Variants in ZNF773 observed in about 807,000 individuals in gnomAD.
The protein encoded by ZNF773 is zinc finger protein 773.
Under a neutral mutation model 12.8 loss-of-function variants are expected in ZNF773, and 11 were observed. The observed-to-expected ratio is 0.86, with a 90% CI of 0.54 to 1.42. The LOEUF (loss-of-function observed/expected upper bound fraction) is 1.42, where lower values mean the gene tolerates loss of function less well. ZNF773 is among the 40% of genes most tolerant of loss of function. ZNF773 has a pLI of 0.00. For missense variants in ZNF773, 518 were observed against 527.2 expected, an observed-to-expected ratio of 0.98 and a Z score of 0.17; for synonymous variants, 175 against 178.4, an observed-to-expected ratio of 0.98 and a Z score of 0.15.
At chr19:57,508,469 C>A (rs945219100), downstream of ZNF773, 2 of 690,492 alleles carry the variant, frequency 2.9e-6, no homozygotes, top group East Asian at 2.7e-5. Context: ...TTGCCATAAA[C>A]CCTTATGTCC....
chr19:57,509,074 A>G (rs542391725), downstream of ZNF773, among the ~76,000 whole-genome samples: 1 of 152,328 alleles, frequency 6.6e-6, no homozygotes, highest in African/African-American at 2.4e-5. Context: ...TGCTGGGATT[A>G]CAGGCATGAG....
chr19:57,517,886 G>A (rs928357625), downstream of ZNF773: 2 of 152,274 alleles, frequency 1.3e-5, no homozygotes, highest in Non-Finnish European at 2.9e-5. Context: ...GGTTTAGGGA[G>A]CCTTAACCCT....
At chr19:57,505,456 A>G in intron 3 of ZNF773, 56 bp downstream of exon 3, 1 of 1,592,716 alleles carries the variant, frequency 6.3e-7, no homozygotes, top group Non-Finnish European at 8.6e-7. Flanking sequence ...TTTGTATCAT[A>G]CCAGGAGTCT....
At chr19:57,502,723 G>C (rs1376158481) in intron 1 of ZNF773, among the ~76,000 whole-genome samples, 1 of 151,966 alleles carries the variant, frequency 6.6e-6, no homozygotes, top group Non-Finnish European at 1.5e-5. Context: ...ATGGAGTCTC[G>C]CTCTGTCGCC....
At position 57,507,020 on chromosome 19, in the gene ZNF773, G is replaced by A; in HGVS notation, c.925G>A (p.Gly309Arg). The A allele has an allele frequency of 6.2e-7, 1 of 1,614,168 alleles. No homozygotes were observed. Among genetic ancestry groups the A allele is most frequent in the Non-Finnish European group, 8.5e-7 (1 of 1,180,038 alleles). Reference protein sequence around the residue: ...GVRPYECSECGKLFSFNSSLM... With the variant: ...GVRPYECSECRKLFSFNSSLM... ...AAGGCCTTATGAGTGCAGTGAATGT[G>A]GAAAATTGTTTAGTTTCAACTCCAG... The change falls in exon 4 of 4, where the codon GGA becomes AGA. Residue 309 changes from glycine to arginine, a missense_variant. Physicochemically the swap from Gly to Arg is moderately radical, Grantham distance 125. Coordinates refer to ENST00000282292, the MANE Select transcript of ZNF773 (RefSeq NM_198542.3).
At chr19:57,513,657 G>A (rs2089814236), downstream of ZNF773, 2 of 152,242 alleles carry the variant, frequency 1.3e-5, no homozygotes, top group African/African-American at 4.8e-5. Context: ...CCTTTCACAG[G>A]AGAAACTAAC....
At chr19:57,514,554 T>C (rs2360755), downstream of ZNF773, 32,843 of 152,112 alleles carry the variant, frequency 0.22, 3,737 homozygotes, top group African/African-American at 0.28. Flanking sequence ...TCTTCCTACC[T>C]CCCATTCTCC....
chr19:57,509,473 C>T (rs1274852856), downstream of ZNF773, among the ~76,000 whole-genome samples: 1 of 152,152 alleles, frequency 6.6e-6, no homozygotes, highest in Non-Finnish European at 1.5e-5. Flanking sequence ...AGCAGAACTC[C>T]TTAGAGAAGA....
At chr19:57,512,883 C>G (rs534097760), downstream of ZNF773, 17 of 909,104 alleles carry the variant, frequency 1.9e-5, no homozygotes, top group Non-Finnish European at 2.6e-5. Context: ...ACGTCTTCCT[C>G]TCTGTGGATT....
At chr19:57,505,452 T>G in intron 3 of ZNF773, 52 bp downstream of exon 3, 1 of 1,592,492 alleles carries the variant, frequency 6.3e-7, no homozygotes, top group South Asian at 1.1e-5. Flanking sequence ...TGGGTTTGTA[T>G]CATACCAGGA....
In ZNF773 at chr19:57,507,699, C is replaced by T. The variant is rs2089757234; in HGVS notation, c.*275C>T. 11 of 1,227,006 alleles carry T rather than the reference C, an allele frequency of 9.0e-6. No individual in the cohort carries two copies. The highest frequency in any genetic ancestry group is 1.0e-5 in the Non-Finnish European group (10 of 984,192). 76.0% of individuals were successfully genotyped at this position (1,227,006 alleles called of 1,614,324 possible). A position where few individuals can be genotyped will look rare whatever the true frequency, so the allele number is the denominator to read the frequency against. On this transcript the variant is annotated 3_prime_UTR_variant, in exon 4 of 4. Coordinates refer to ENST00000282292, the MANE Select transcript of ZNF773 (RefSeq NM_198542.3). ...CTGACTTAAAGCAGAAACAGCCAGGCGTGGTGGCTGACACCTGTTATTCTC... is the reference window on the plus strand; with the variant it reads ...CTGACTTAAAGCAGAAACAGCCAGGTGTGGTGGCTGACACCTGTTATTCTC...
At chr19:57,500,243 G>C (rs910028584) in intron 1 of ZNF773, 130 bp downstream of exon 1, 7 of 1,305,170 alleles carry the variant, frequency 5.4e-6, no homozygotes, top group Middle Eastern at 2.8e-4. Context: ...AGTGTGATGG[G>C]GTGGCAATGG....
At chr19:57,511,141 CT>C (rs1415054399), downstream of ZNF773, among the ~76,000 whole-genome samples, 1 of 151,804 alleles carries the variant, frequency 6.6e-6, no homozygotes, top group Non-Finnish European at 1.5e-5. Context: ...TGTCTGCCCC[CT>C]GGGATTCATG....
downstream of ZNF773, chr19:57,515,367 T>G (rs1478301545): frequency 6.6e-6 from 1 of 152,262 alleles, no homozygotes; most frequent in African/African-American, 2.4e-5. Context: ...ACTCGTATGT[T>G]TCATCTGCCT....
chr19:57,508,157 A>AC lies in ZNF773; in HGVS notation c.*733_*734insC. On this transcript the variant is annotated 3_prime_UTR_variant, in exon 4 of 4. Transcript: ENST00000282292. ...CTTCGTCTCAAAAAAAAAAAAAAAA[A>AC]ACAAAAAAAACCCAGAAACTCTGAG... 8.8e-6 allele frequency: 3 copies of AC among 340,392 alleles called. No individual in the cohort carries two copies. Among genetic ancestry groups the AC allele is most frequent in the Non-Finnish European group, 9.9e-6 (3 of 301,558 alleles). 21.1% of individuals were successfully genotyped at this position (340,392 alleles called of 1,614,324 possible). A position where few individuals can be genotyped will look rare whatever the true frequency, so the allele number is the denominator to read the frequency against.
downstream of ZNF773, among the ~76,000 whole-genome samples, chr19:57,510,521 C>CA (rs1397784740): frequency 6.6e-6 from 1 of 151,972 alleles, no homozygotes. Flanking sequence ...TCATTAAAAA[C>CA]AAAAAGTCTT....
rs746907096 is a variant in ZNF773, at chr19:57,504,280, T to G, written c.34-377T>G. Among the ~76,000 whole-genome samples, 30 of 152,146 alleles carry G rather than the reference T, an allele frequency of 2.0e-4. 1 individual carries two copies. Among genetic ancestry groups the G allele is most frequent in the Non-Finnish European group, 3.4e-4 (23 of 68,034 alleles). On this transcript the variant is annotated intron_variant, in intron 1 of 3. Transcript: ENST00000282292. The stretch of plus-strand genomic sequence containing the variant: ...GTGGTGCAGGGGGCAGTGGTTGTGG[T>G]ACAGAGTATGTGCACATTCTAATGA...
intron 3 of ZNF773, among the ~76,000 whole-genome samples, chr19:57,505,955 C>T (rs1183914190): frequency 3.9e-5 from 6 of 152,208 alleles, no homozygotes; most frequent in South Asian, 4.1e-4. Context: ...GTGATCTGCC[C>T]GCCTTGGCCT....
At chr19:57,512,010 G>A (rs2089799832), downstream of ZNF773, among the ~76,000 whole-genome samples, 1 of 152,214 alleles carries the variant, frequency 6.6e-6, no homozygotes, top group African/African-American at 2.4e-5. Context: ...TGGTCTGAGG[G>A]TGAAGGTTCT....
Sources: gnomAD v4.1 joint callset for allele counts (sites outside exome capture counted in the v4.1 genomes callset) on GRCh38, gnomAD v4.1.1 for gene constraint, MANE v1.5 for transcripts, NCBI Gene and HGNC (gene_info 2026-07-23, HGNC 2026-07-21) for gene names.